Variants in ADAM17 observed in about 807,000 individuals in gnomAD.
ADAM17 encodes the protein ADAM metallopeptidase domain 17.
ADAM17 carries 39 observed loss-of-function variants against 96.7 expected under a neutral mutation model. The ratio of observed to expected loss-of-function variants is 0.40; its 90% CI spans 0.31 to 0.53. The LOEUF is 0.53. ADAM17 is among the 20% of genes least tolerant of loss of function. The pLI, the probability that ADAM17 is intolerant of heterozygous loss-of-function variation, is 0.44. For synonymous variants in ADAM17, 344 were observed against 359.2 expected, an observed-to-expected ratio of 0.96 and a Z score of 0.48; for missense variants, 777 against 1,013.2, an observed-to-expected ratio of 0.77 and a Z score of 3.17.
At chr2:9,507,024 T>C (rs1402263857) in intron 11 of ADAM17, 1 of 152,172 alleles carries the variant, frequency 6.6e-6, no homozygotes, top group Non-Finnish European at 1.5e-5. Flanking sequence ...AGGTCCTACA[T>C]TCCTTTTCAC....
At position 9,543,186 on chromosome 2, in the gene ADAM17, A is replaced by G. The variant is rs770985771; in HGVS notation, c.197T>C (p.Val66Ala). The G allele has an allele frequency of 6.2e-7, 1 of 1,605,240 alleles. No homozygotes were observed. The highest frequency in any genetic ancestry group is 2.3e-5 in the East Asian group (1 of 44,378). ...AGCTGAAAAAGTTAGTAGTGTTTCTACATGTGTTGAAGTCTGTAGATCTCT... is the reference window on the plus strand; with the variant it reads ...AGCTGAAAAAGTTAGTAGTGTTTCTGCATGTGTTGAAGTCTGTAGATCTCT... Reference protein sequence around the residue: ...RKRDLQTSTHVETLLTFSALK... With the variant: ...RKRDLQTSTHAETLLTFSALK... Residue 66 changes from valine to alanine, a missense_variant, in exon 2 of 19, where the codon GTA (valine) becomes GCA (alanine). Physicochemically the swap from Val to Ala is moderately conservative, Grantham distance 64. Transcript: ENST00000310823.
chr2:9,547,436 G>T (rs1040605622), intron 1 of ADAM17, among the ~76,000 whole-genome samples: 1 of 152,122 alleles, frequency 6.6e-6, no homozygotes, highest in African/African-American at 2.4e-5. Context: ...GACACAGCAG[G>T]GGCATGATCC....
chr2:9,517,086 AG>A (rs1282204500), intron 10 of ADAM17, among the ~76,000 whole-genome samples: 1 of 152,234 alleles, frequency 6.6e-6, no homozygotes, highest in Non-Finnish European at 1.5e-5. Flanking sequence ...GACATCCATG[AG>A]GACAAAGACT....
At chr2:9,548,203 G>A (rs1660124342) in intron 1 of ADAM17, among the ~76,000 whole-genome samples, 2 of 152,094 alleles carry the variant, frequency 1.3e-5, no homozygotes, top group African/African-American at 4.8e-5. Context: ...GTGGTAGCAG[G>A]TGCGTATAAT....
At chr2:9,502,879 CAAAAAAAAAAAA>C (rs758081961) in intron 12 of ADAM17, among the ~76,000 whole-genome samples, 6 of 43,604 alleles carry the variant, frequency 1.4e-4, no homozygotes, top group Non-Finnish European at 2.0e-4. Flanking sequence ...AATTCTGTCT[CAAAAAAAAAAAA>C]AAAAAAAAAA....
chr2:9,550,207 T>C (rs1323888841), intron 1 of ADAM17, among the ~76,000 whole-genome samples: 3 of 152,112 alleles, frequency 2.0e-5, no homozygotes, highest in Non-Finnish European at 4.4e-5. Context: ...CCCCAGAGCC[T>C]GGGAACTAAA....
At position 9,488,905 on chromosome 2, in the gene ADAM17, AG is replaced by A. The variant is rs1317799166; in HGVS notation, c.*1271del. ...GGCTGGTGAGCACATTTCAGTTCTTAGGGGAAAAAAAGCTTTTAATGGCAAT... is the reference window on the plus strand; with the variant it reads ...GGCTGGTGAGCACATTTCAGTTCTTAGGGAAAAAAAGCTTTTAATGGCAAT... On this transcript the variant is annotated 3_prime_UTR_variant, in exon 19 of 19. Coordinates refer to ENST00000310823, the MANE Select transcript of ADAM17 (RefSeq NM_003183.6). 1 of 152,232 alleles carries A rather than the reference AG, an allele frequency of 6.6e-6. No homozygotes were observed. Among genetic ancestry groups the A allele is most frequent in the Non-Finnish European group, 1.5e-5 (1 of 68,026 alleles). 9.4% of individuals were successfully genotyped at this position (152,232 alleles called of 1,614,324 possible).
intron 17 of ADAM17, among the ~76,000 whole-genome samples, chr2:9,492,222 C>T (rs1041553339): frequency 3.3e-5 from 5 of 152,204 alleles, no homozygotes; most frequent in Non-Finnish European, 7.3e-5. Flanking sequence ...CTGGGTGTGA[C>T]TTTCTCATCT....
At chr2:9,524,296 G>A (rs1664432955) in intron 6 of ADAM17, among the ~76,000 whole-genome samples, 1 of 152,016 alleles carries the variant, frequency 6.6e-6, no homozygotes, top group East Asian at 1.9e-4. Context: ...AAGCTTAGAA[G>A]TTTGAGACCA....
At chr2:9,497,381 G>T in intron 13 of ADAM17, 133 bp from the exon 14 acceptor site, 1 of 1,146,538 alleles carries the variant, frequency 8.7e-7, no homozygotes, top group Non-Finnish European at 1.2e-6. Context: ...ACAGAGCTAG[G>T]ACAAGAGCCT....
At chr2:9,527,689 G>T in intron 5 of ADAM17, 97 bp downstream of exon 5, 2 of 831,354 alleles carry the variant, frequency 2.4e-6, no homozygotes, top group Non-Finnish European at 3.4e-6. Context: ...ATAGTTACTT[G>T]ACAATCATGT....
chr2:9,503,121 C>T (rs531235021), intron 12 of ADAM17, among the ~76,000 whole-genome samples: 1 of 126,538 alleles, frequency 7.9e-6, no homozygotes, highest in African/African-American at 3.1e-5. Context: ...GCCTGGTCAA[C>T]AGGGCGAGAC....
At chr2:9,522,446 A>C in intron 7 of ADAM17, 1 of 610,700 alleles carries the variant, frequency 1.6e-6, no homozygotes, top group South Asian at 1.9e-5. Context: ...TAACTTAAAA[A>C]GAAAATGCGT....
intron 18 of ADAM17, 125 bp downstream of exon 18, chr2:9,490,976 C>T (rs1223896821): frequency 1.2e-6 from 1 of 819,148 alleles, no homozygotes; most frequent in Non-Finnish European, 2.0e-6. Context: ...CCAACCTAGA[C>T]CCTTCCTGCT....
At chr2:9,514,730 G>A (rs1277339710) in intron 10 of ADAM17, among the ~76,000 whole-genome samples, 6 of 151,100 alleles carry the variant, frequency 4.0e-5, no homozygotes, top group South Asian at 2.1e-4. Context: ...AAAATTAGCC[G>A]GGCGTGGTGG....
chr2:9,549,247 T>C (rs1665509457), intron 1 of ADAM17, among the ~76,000 whole-genome samples: 1 of 152,096 alleles, frequency 6.6e-6, no homozygotes, highest in African/African-American at 2.4e-5. Context: ...GGCAGGCACC[T>C]GTAATCCCAG....
chr2:9,530,798 CATG>C (rs1412327879), intron 4 of ADAM17, among the ~76,000 whole-genome samples: 2 of 151,900 alleles, frequency 1.3e-5, no homozygotes, highest in African/African-American at 4.8e-5. Flanking sequence ...GGTGAAGGGT[CATG>C]ATGTTTGCAA....
At chr2:9,548,369 T>C (rs1665478191) in intron 1 of ADAM17, among the ~76,000 whole-genome samples, 1 of 150,602 alleles carries the variant, frequency 6.6e-6, no homozygotes, top group Admixed American at 6.6e-5. Context: ...GACTGCAGTG[T>C]GGAGAATGGG....
intron 4 of ADAM17, among the ~76,000 whole-genome samples, chr2:9,535,077 T>TAG (rs1252185668): frequency 6.6e-6 from 1 of 152,242 alleles, no homozygotes; most frequent in Admixed American, 6.5e-5. Flanking sequence ...AACAGTCATG[T>TAG]AGATTGGATA....
Sources: allele counts gnomAD v4.1 joint callset (sites outside exome capture counted in the v4.1 genomes callset), GRCh38; gene constraint gnomAD v4.1.1; transcripts MANE v1.5; gene names NCBI Gene and HGNC (gene_info 2026-07-23, HGNC 2026-07-21).